The following CDH3 variants were observed in gnomAD, a reference collection of about 807,000 sequenced individuals.
CDH3 encodes cadherin 3.
In CDH3, 54 loss-of-function variants were observed where a neutral mutation model predicts 82.0. The ratio of observed to expected loss-of-function variants is 0.66; its 90% CI spans 0.53 to 0.83. CDH3 has a LOEUF of 0.83. CDH3 is among the 40% of genes least tolerant of loss of function. The pLI is 0.00. For synonymous variants in CDH3, 446 were observed against 437.9 expected (o/e 1.02, Z -0.23); for missense variants, 1,054 against 1,084.6 (o/e 0.97, Z 0.40).
At position 68,645,443 on chromosome 16, in the gene CDH3, G is replaced by T; in HGVS notation, c.45+19G>T. ...TCTCCAGGTACTCCACAGCCTCGCCGTGGCCCCGACCGGGACCGCTCCCTG... is the reference window on the plus strand; with the variant it reads ...TCTCCAGGTACTCCACAGCCTCGCCTTGGCCCCGACCGGGACCGCTCCCTG... On this transcript the variant is annotated intron_variant, in intron 1 of 15. Transcript: ENST00000264012. 2.5e-6 allele frequency: 4 copies of T among 1,612,504 alleles called. No homozygotes were observed. Among genetic ancestry groups the T allele is most frequent in the Non-Finnish European group, 8.5e-7 (1 of 1,179,400 alleles).
chr16:68,654,281 G>A (rs1238174402), intron 2 of CDH3, among the ~76,000 whole-genome samples: 1 of 147,522 alleles, frequency 6.8e-6, no homozygotes, highest in African/African-American at 2.5e-5. Context: ...GGATGATCTC[G>A]ATCTTCTGAC....
At chr16:68,660,814 C>A (rs1960547418) in intron 2 of CDH3, among the ~76,000 whole-genome samples, 1 of 151,980 alleles carries the variant, frequency 6.6e-6, no homozygotes, top group Non-Finnish European at 1.5e-5. Context: ...AAAAAATTAG[C>A]CGGGCGTAGT....
chr16:68,684,652 C>T lies in CDH3; in HGVS notation c.1252C>T (p.Leu418=). ...AGTGACCAACGAGGCCCCTTTTGTG[C>T]TGAAGCTCCCAACCTCCACAGCCAC... The part of the protein sequence containing the change: ...VEVTNEAPFV[L]KLPTSTATIV... The change falls in exon 10 of 16, where the codon CTG becomes TTG. Residue 418 remains leucine (L), a synonymous_variant. Coordinates refer to ENST00000264012, the MANE Select transcript of CDH3 (RefSeq NM_001793.6). The T allele has an allele frequency of 6.2e-7, 1 of 1,614,218 alleles. No homozygotes were observed. Among genetic ancestry groups the T allele is most frequent in the Non-Finnish European group, 8.5e-7 (1 of 1,180,038 alleles).
At position 68,721,536 on chromosome 16, in the gene CDH3, A is replaced by C. The variant is rs1962165017; in HGVS notation, c.100-889A>C. ...GGCATGAGCCACCGCACCCGGCCAC[A>C]GTTCAGTCTTTTAACTGCGGGTACT... On this transcript the variant is annotated intron_variant, in intron 1 of 2. Coordinates refer to the CDH3 transcript ENST00000569080. Among the ~76,000 whole-genome samples the C allele has an allele frequency of 3.3e-5, 5 of 152,160 alleles. No homozygotes were observed. The South Asian group carries it at 6.2e-4, about 19-fold the overall frequency.
Position 68,698,297 on chromosome 16 carries a change from C to T in CDH3, c.2387C>T (p.Thr796Ile). The change falls in exon 16 of 16, where the codon ACC becomes ATC. Residue 796 changes from threonine (T) to isoleucine (I), a missense_variant. Transcript: ENST00000264012. Reference sequence around the variant, plus strand: ...GACGCCGCGTCCCTGAGCTCCCTCACCTCCTCCGCCTCCGACCAAGACCAA... The same window carrying T: ...GACGCCGCGTCCCTGAGCTCCCTCATCTCCTCCGCCTCCGACCAAGACCAA... ...GSDAASLSSL[T>I]SSASDQDQDY... 3 of 1,614,244 alleles carry T rather than the reference C, an allele frequency of 1.9e-6. No homozygotes were observed. The highest frequency in any genetic ancestry group is 2.5e-6 in the Non-Finnish European group (3 of 1,180,026).
chr16:68,731,383 AAAAAAAAAAAAAATAT>A (rs1325685789), downstream of CDH3, among the ~76,000 whole-genome samples: 8 of 10,138 alleles, frequency 7.9e-4, 2 homozygotes, highest in South Asian at 2.0e-3. Flanking sequence ...AAAAAAAAAA[AAAAAAAAAAAAAATAT>A]ATATATATAT....
Position 68,684,684 on chromosome 16 carries a change from G to C in CDH3, c.1284G>C (p.Val428=). Residue 428 remains valine, a synonymous_variant, in exon 10 of 16, where the codon GTG becomes GTC. Transcript: ENST00000264012. The part of the protein sequence containing the change: ...LKLPTSTATI[V]VHVEDVNEAP... ...TCCCAACCTCCACAGCCACCATAGT[G>C]GTCCACGTGGAGGATGTGAATGAGG... 1 of 1,614,196 alleles carries C rather than the reference G, an allele frequency of 6.2e-7. No homozygotes were observed. The highest frequency in any genetic ancestry group is 1.6e-4 in the Middle Eastern group (1 of 6,062).
At chr16:68,663,842 T>C (rs893149866) in intron 2 of CDH3, among the ~76,000 whole-genome samples, 3 of 151,964 alleles carry the variant, frequency 2.0e-5, no homozygotes, top group African/African-American at 7.3e-5. Flanking sequence ...ATACTTTAAG[T>C]TTTAGGGTAC....
intron 2 of CDH3, among the ~76,000 whole-genome samples, chr16:68,671,986 CAGGT>C (rs1960894502): frequency 6.6e-6 from 1 of 151,972 alleles, no homozygotes; most frequent in South Asian, 2.1e-4. Context: ...AAGTTGCCAA[CAGGT>C]AGTCATGGCC....
At chr16:68,662,228 C>A (rs1224452756) in intron 2 of CDH3, among the ~76,000 whole-genome samples, 1 of 152,012 alleles carries the variant, frequency 6.6e-6, no homozygotes. Flanking sequence ...TGTGCAAAGG[C>A]CCTGTGGTAG....
At chr16:68,692,668 A>C (rs1961609407) in intron 13 of CDH3, among the ~76,000 whole-genome samples, 2 of 152,234 alleles carry the variant, frequency 1.3e-5, no homozygotes, top group Admixed American at 1.3e-4. Flanking sequence ...TTACTGGTCT[A>C]GTGGGAGGAA....
chr16:68,660,701 G>A (rs986979096), intron 2 of CDH3, among the ~76,000 whole-genome samples: 1 of 152,214 alleles, frequency 6.6e-6, no homozygotes, highest in African/African-American at 2.4e-5. Flanking sequence ...GCTCATGCCT[G>A]TAATCCCAGC....
intron 2 of CDH3, among the ~76,000 whole-genome samples, chr16:68,670,204 A>C (rs1386231060): frequency 5.5e-5 from 8 of 145,340 alleles, no homozygotes. Context: ...AGCCTGGGCA[A>C]CAGAGCAAGA....
chr16:68,659,793 C>T (rs1052541471), intron 2 of CDH3, among the ~76,000 whole-genome samples: 1 of 123,692 alleles, frequency 8.1e-6, no homozygotes, highest in Non-Finnish European at 1.6e-5. Flanking sequence ...TTATAAGAAT[C>T]CTTGTAGACC....
chr16:68,698,197 A>G lies in CDH3; in HGVS notation c.2287A>G (p.Lys763Glu). The change falls in exon 16 of 16, where the codon AAG becomes GAG. Residue 763 changes from lysine (K) to glutamate (E), a missense_variant. Transcript: ENST00000264012. ...CTGTTCTCTGTTGCCGCAGAACCTG[A>G]AGGCGGCTAACACAGACCCCACAGC... Reference protein sequence around the residue: ...EIGNFIIENLKAANTDPTAPP... With the variant: ...EIGNFIIENLEAANTDPTAPP... 2 of 1,614,130 alleles carry G rather than the reference A, an allele frequency of 1.2e-6. No homozygotes were observed. The highest frequency in any genetic ancestry group is 1.7e-6 in the Non-Finnish European group (2 of 1,180,012).
Position 68,653,163 on chromosome 16 carries a change from C to T in CDH3, c.160+7413C>T, listed in dbSNP as rs144409444. On this transcript the variant is annotated intron_variant, in intron 2 of 15. Transcript: ENST00000264012. ...TCCCTGCCAGACCCCACCCCCTTTC[C>T]GGAGTCTTGATTTTCATCTGGCCCT... Among the ~76,000 whole-genome samples, 699 of 152,248 alleles carry T rather than the reference C, an allele frequency of 4.6e-3. 4 individuals are homozygous for T. The highest frequency in any genetic ancestry group is 0.016 in the African/African-American group (657 of 41,544).
At chr16:68,726,674 G>A (rs1292624591) in intron 2 of CDH3, among the ~76,000 whole-genome samples, 1 of 151,556 alleles carries the variant, frequency 6.6e-6, no homozygotes, top group Non-Finnish European at 1.5e-5. Context: ...CGCCTCCCGG[G>A]TTCACGCCAT....
chr16:68,703,533 A>G (rs935155595), downstream of CDH3, among the ~76,000 whole-genome samples: 11 of 152,196 alleles, frequency 7.2e-5, no homozygotes, highest in African/African-American at 2.4e-4. Flanking sequence ...GGCAGAACCC[A>G]CCTTCTGGCC....
chr16:68,685,330 T>C lies in CDH3; in HGVS notation c.1550T>C (p.Met517Thr). ...QFVRNNIYEVMVLAMDNGSPP... is the reference protein window; with the variant it reads ...QFVRNNIYEVTVLAMDNGSPP... ...GTGAGGAACAACATCTATGAAGTCA[T>C]GGTCTTGGCCATGGACAATGGTGAG... The change falls in exon 11 of 16, where the codon ATG becomes ACG. Residue 517 changes from methionine (M) to threonine (T), a missense_variant. By Grantham distance (81) the Met-to-Thr change is moderately conservative. Transcript: ENST00000264012. The C allele has an allele frequency of 6.2e-7, 1 of 1,614,118 alleles. No individual in the cohort carries two copies. Among genetic ancestry groups the C allele is most frequent in the African/African-American group, 1.3e-5 (1 of 75,040 alleles).
Sources: allele counts gnomAD v4.1 joint callset (sites outside exome capture counted in the v4.1 genomes callset), GRCh38; gene constraint gnomAD v4.1.1; transcripts MANE v1.5; gene names NCBI Gene and HGNC (gene_info 2026-07-23, HGNC 2026-07-21).